The following FLRT2 variants were observed in gnomAD, a reference collection of about 807,000 sequenced individuals.
FLRT2 encodes fibronectin leucine rich transmembrane protein 2, also known as leucine-rich repeat transmembrane protein FLRT2.
Under a neutral mutation model 40.0 loss-of-function variants are expected in FLRT2, and 15 were observed. The ratio of observed to expected loss-of-function variants is 0.38; its 90% CI spans 0.25 to 0.58. The LOEUF is 0.58. Among genes scored for constraint, FLRT2 ranks in the 20% least tolerant of loss-of-function variants. The probability of loss-of-function intolerance (pLI) is 0.71; values close to 1 mark genes in which losing one functional copy is unlikely to be tolerated. For synonymous variants in FLRT2, 380 were observed against 336.8 expected, an observed-to-expected ratio of 1.13 and a Z score of -1.41; for missense variants, 726 against 840.0, an observed-to-expected ratio of 0.86 and a Z score of 1.68.
intron 1 of FLRT2, among the ~76,000 whole-genome samples, chr14:85,556,226 T>C (rs1889952889): frequency 6.6e-6 from 1 of 152,190 alleles, no homozygotes; most frequent in Non-Finnish European, 1.5e-5. Context: ...CACTGGGTCA[T>C]TGAAAAATAA....
rs889767978 is a variant in FLRT2 at position 85,623,701 on chromosome 14, A to T, written c.*204A>T. 2.3e-5 allele frequency: 10 copies of T among 440,566 alleles called. No homozygotes were observed. The highest frequency in any genetic ancestry group is 3.6e-5 in the Non-Finnish European group (9 of 251,684). The allele number at this position is 440,566 out of a possible 1,614,324, so 27.3% of individuals were successfully genotyped here. Reference sequence around the variant, plus strand: ...TTTCTATTTCAAGTTAATTACAAACAGTTTTGTAACTCTTTGCTTTTTAAA... The same window carrying T: ...TTTCTATTTCAAGTTAATTACAAACTGTTTTGTAACTCTTTGCTTTTTAAA... On this transcript the variant is annotated 3_prime_UTR_variant, in exon 2 of 2. Transcript: ENST00000330753.
chr14:85,574,524 T>C (rs1868533266), intron 1 of FLRT2, among the ~76,000 whole-genome samples: 1 of 152,176 alleles, frequency 6.6e-6, no homozygotes. Flanking sequence ...TAAAATGTAT[T>C]GAGTCCTTTT....
At chr14:85,563,134 A>T (rs532856316) in intron 1 of FLRT2, 1 of 152,236 alleles carries the variant, frequency 6.6e-6, no homozygotes, top group South Asian at 2.1e-4. Flanking sequence ...ACACATACTA[A>T]GTTTGAGAAT....
chr14:85,647,831 C>A lies in FLRT2; in HGVS notation c.*24334C>A, dbSNP rs1250309918. ...TTAGGATTCGGGTCACCCTGCTTGG[C>A]AGAGCCCTAATTAGTCACAGTGCTA... On this transcript the variant is annotated 3_prime_UTR_variant, in exon 2 of 2. Coordinates refer to ENST00000330753, the MANE Select transcript of FLRT2 (RefSeq NM_013231.6). 1 of 152,108 alleles carries A rather than the reference C, an allele frequency of 6.6e-6. No individual in the cohort carries two copies. Among genetic ancestry groups the A allele is most frequent in the Non-Finnish European group, 1.5e-5 (1 of 68,030 alleles). The allele number at this position is 152,108 out of a possible 1,614,324, so 9.4% of individuals were successfully genotyped here. A position where few individuals can be genotyped will look rare whatever the true frequency, so the allele number is the denominator to read the frequency against.
In FLRT2 at chr14:85,637,462, C is replaced by A. The variant is rs142406996; in HGVS notation, c.*13965C>A. The A allele has an allele frequency of 7.9e-5, 12 of 152,306 alleles. No individual in the cohort carries two copies. Among genetic ancestry groups the A allele is most frequent in the Non-Finnish European group, 1.5e-5 (1 of 68,030 alleles). The allele number at this position is 152,306 out of a possible 1,614,324, so 9.4% of individuals were successfully genotyped here. A position where few individuals can be genotyped will look rare whatever the true frequency, so the allele number is the denominator to read the frequency against. ...CTACCACAGTGTTGGTGTGAAGACT[C>A]ATTTAAAGTTACTAGCACAGTGTCT... On this transcript the variant is annotated 3_prime_UTR_variant, in exon 2 of 2. Coordinates refer to ENST00000330753, the MANE Select transcript of FLRT2 (RefSeq NM_013231.6).
At position 85,585,608 on chromosome 14, in the gene FLRT2, G is replaced by A. The variant is rs142114342; in HGVS notation, c.-376-35531G>A. 2.3e-4 allele frequency among the ~76,000 whole-genome samples: 35 copies of A among 152,260 alleles called. No individual in the cohort carries two copies. The East Asian group carries it at 6.4e-3, about 28-fold the overall frequency. ...GTGTGTGTGTGTATTATATGCATGTGCGTGTGTATAGAGGGCATTCTATTT... is the reference window on the plus strand; with the variant it reads ...GTGTGTGTGTGTATTATATGCATGTACGTGTGTATAGAGGGCATTCTATTT... On this transcript the variant is annotated intron_variant, in intron 1 of 1. Transcript: ENST00000330753.
intron 1 of FLRT2, among the ~76,000 whole-genome samples, chr14:85,542,894 A>T (rs977420209): frequency 2.0e-5 from 3 of 152,102 alleles, no homozygotes; most frequent in African/African-American, 7.2e-5. Context: ...CACTTGGGAT[A>T]CTCTTTCAGA....
intron 1 of FLRT2, among the ~76,000 whole-genome samples, chr14:85,589,483 T>G (rs1311663082): frequency 6.6e-6 from 1 of 151,914 alleles, no homozygotes; most frequent in Admixed American, 6.6e-5. Flanking sequence ...CTATAGTCGT[T>G]TGATCTCTTT....
chr14:85,594,630 G>A (rs971670577), intron 1 of FLRT2, among the ~76,000 whole-genome samples: 1 of 152,112 alleles, frequency 6.6e-6, no homozygotes, highest in African/African-American at 2.4e-5. Context: ...TCACTCATTT[G>A]CAGTTGAGAA....
chr14:85,574,752 C>A (rs1241484523), intron 1 of FLRT2, among the ~76,000 whole-genome samples: 1 of 152,156 alleles, frequency 6.6e-6, no homozygotes, highest in Non-Finnish European at 1.5e-5. Flanking sequence ...GATACTGCCA[C>A]CTTCTCCTAA....
In FLRT2 at chr14:85,631,112, T is replaced by TATATATATATATA. The variant is rs1893858889; in HGVS notation, c.*7615_*7616insATATATATATATA. ...TATAATTACATATATAATCTAGATT[T>TATATATATATATA]TATATATATATATATATGAAATGAG... On this transcript the variant is annotated 3_prime_UTR_variant, in exon 2 of 2. Transcript: ENST00000330753. The TATATATATATATA allele has an allele frequency of 2.8e-4, 26 of 91,878 alleles. No homozygotes were observed. Among genetic ancestry groups the TATATATATATATA allele is most frequent in the Non-Finnish European group, 4.3e-4 (23 of 53,016 alleles). 5.7% of individuals were successfully genotyped at this position (91,878 alleles called of 1,614,324 possible).
chr14:85,609,390 T>G (rs1211463958), intron 1 of FLRT2, among the ~76,000 whole-genome samples: 2 of 152,138 alleles, frequency 1.3e-5, no homozygotes, highest in Non-Finnish European at 2.9e-5. Flanking sequence ...CTCTCACTGG[T>G]TTTGAGATTA....
At chr14:85,533,638 G>A (rs1233311418) in intron 1 of FLRT2, among the ~76,000 whole-genome samples, 1 of 152,134 alleles carries the variant, frequency 6.6e-6, no homozygotes, top group African/African-American at 2.4e-5. Flanking sequence ...AGAGAAGGCG[G>A]GGGTCGCGGC....
chr14:85,558,599 T>C (rs1196404773), intron 1 of FLRT2, among the ~76,000 whole-genome samples: 1 of 152,166 alleles, frequency 6.6e-6, no homozygotes, highest in Non-Finnish European at 1.5e-5. Flanking sequence ...CAATCATTTT[T>C]TTGTTTGAAG....
In FLRT2 at chr14:85,641,166, G is replaced by A. The variant is rs1079667; in HGVS notation, c.*17669G>A. 0.97 allele frequency: 148,062 copies of A among 152,316 alleles called. 71,970 individuals are homozygous for A. Among genetic ancestry groups the A allele is most frequent in the Admixed American group, 0.98 (15,037 of 15,296 alleles). 9.4% of individuals were successfully genotyped at this position (152,316 alleles called of 1,614,324 possible). A position where few individuals can be genotyped will look rare whatever the true frequency, so the allele number is the denominator to read the frequency against. Reference sequence around the variant, plus strand: ...AAAAACCTAACAGCCTCCAAAGACTGAAGAAGAGAGCATGGTGTTTAATGC... The same window carrying A: ...AAAAACCTAACAGCCTCCAAAGACTAAAGAAGAGAGCATGGTGTTTAATGC... On this transcript the variant is annotated 3_prime_UTR_variant, in exon 2 of 2. Transcript: ENST00000330753.
In FLRT2 at chr14:85,629,647, T is replaced by G. The variant is rs1479564234; in HGVS notation, c.*6150T>G. 1 of 152,182 alleles carries G rather than the reference T, an allele frequency of 6.6e-6. No homozygotes were observed. Among genetic ancestry groups the G allele is most frequent in the Non-Finnish European group, 1.5e-5 (1 of 68,022 alleles). The allele number at this position is 152,182 out of a possible 1,614,324, so 9.4% of individuals were successfully genotyped here. A position where few individuals can be genotyped will look rare whatever the true frequency, so the allele number is the denominator to read the frequency against. The stretch of plus-strand genomic sequence containing the variant: ...ATCCTGTAAATGGCAGAGTCAGGAA[T>G]TACCACTGAGCATGACTCCATGGAC... On this transcript the variant is annotated 3_prime_UTR_variant, in exon 2 of 2. Coordinates refer to ENST00000330753, the MANE Select transcript of FLRT2 (RefSeq NM_013231.6).
At chr14:85,548,422 G>A (rs757151871) in intron 1 of FLRT2, among the ~76,000 whole-genome samples, 14 of 152,148 alleles carry the variant, frequency 9.2e-5, no homozygotes, top group Non-Finnish European at 1.8e-4. Context: ...TAAGTCCTCT[G>A]TTTATATTTT....
rs1893729740 is a variant in FLRT2 at position 85,627,363 on chromosome 14, A to T, written c.*3866A>T. ...AAGGCATAACCTACATCCTTCTCTG[A>T]TTTCTTCAGCAGGGTCAAAAGACAG... On this transcript the variant is annotated 3_prime_UTR_variant, in exon 2 of 2. Coordinates refer to ENST00000330753, the MANE Select transcript of FLRT2 (RefSeq NM_013231.6). 6.0e-6 allele frequency: 1 copy of T among 167,100 alleles called. No homozygotes were observed. The highest frequency in any genetic ancestry group is 1.5e-5 in the Non-Finnish European group (1 of 68,122). The allele number at this position is 167,100 out of a possible 1,614,324, so 10.4% of individuals were successfully genotyped here. A position where few individuals can be genotyped will look rare whatever the true frequency, so the allele number is the denominator to read the frequency against.
intron 1 of FLRT2, among the ~76,000 whole-genome samples, chr14:85,537,078 G>A (rs1449851336): frequency 6.6e-6 from 1 of 152,186 alleles, no homozygotes; most frequent in African/African-American, 2.4e-5. Flanking sequence ...AAATTCTGCT[G>A]TGCTTCTACT....
Sources: gnomAD v4.1 joint callset for allele counts (sites outside exome capture counted in the v4.1 genomes callset) on GRCh38, gnomAD v4.1.1 for gene constraint, MANE v1.5 for transcripts, NCBI Gene and HGNC (gene_info 2026-07-23, HGNC 2026-07-21) for gene names.